Variants in ADGRG6 observed in about 807,000 individuals in gnomAD.
The protein encoded by ADGRG6 is adhesion G protein-coupled receptor G6.
In ADGRG6, 84 loss-of-function variants were observed where a neutral mutation model predicts 142.4. The observed-to-expected ratio is 0.59, with a 90% confidence interval of 0.49 to 0.71. ADGRG6 has a LOEUF of 0.71. Ranked by LOEUF, ADGRG6 falls within the 30% of genes least tolerant of loss-of-function variation. The pLI is 0.00. For synonymous variants in ADGRG6, 521 were observed against 520.5 expected (o/e 1.00, Z -0.01); for missense variants, 1,367 against 1,466.6 (o/e 0.93, Z 1.11).
intron 9 of ADGRG6, among the ~76,000 whole-genome samples, chr6:142,394,847 C>T (rs186393156): frequency 7.2e-5 from 11 of 152,196 alleles, no homozygotes; most frequent in Admixed American, 7.2e-4. Context: ...TCAGCCCCCC[C>T]CAGAGTGCTG....
At chr6:142,421,538 A>G (rs1469189702) in intron 22 of ADGRG6, among the ~76,000 whole-genome samples, 1 of 152,188 alleles carries the variant, frequency 6.6e-6, no homozygotes, top group East Asian at 1.9e-4. Flanking sequence ...AAATATTGAC[A>G]AAAGTATCCA....
intron 6 of ADGRG6, among the ~76,000 whole-genome samples, chr6:142,384,701 C>T (rs994798037): frequency 2.6e-5 from 4 of 152,014 alleles, no homozygotes; most frequent in African/African-American, 9.7e-5. Context: ...AGTCATTTAG[C>T]TTATGAGGCC....
intron 11 of ADGRG6, chr6:142,400,836 T>C (rs1219023748): frequency 2.5e-6 from 1 of 402,804 alleles, no homozygotes; most frequent in Non-Finnish European, 4.5e-6. Flanking sequence ...AACTGAAGAG[T>C]TTAGAAGCCA....
intron 10 of ADGRG6, among the ~76,000 whole-genome samples, chr6:142,399,905 A>G (rs1775413603): frequency 6.6e-6 from 1 of 152,156 alleles, no homozygotes; most frequent in East Asian, 1.9e-4. Context: ...GCTTACTTAG[A>G]GAGTCGTCAA....
chr6:142,368,879 A>G (rs1040578946), intron 3 of ADGRG6, among the ~76,000 whole-genome samples: 4 of 152,306 alleles, frequency 2.6e-5, no homozygotes, highest in East Asian at 3.9e-4. Flanking sequence ...CCACCCAGCC[A>G]TAACCACTAA....
intron 2 of ADGRG6, among the ~76,000 whole-genome samples, chr6:142,365,814 G>A (rs193083913): frequency 3.3e-5 from 5 of 152,208 alleles, no homozygotes; most frequent in Admixed American, 2.6e-4. Flanking sequence ...ATAAAACATC[G>A]AATTAGTCCT....
intron 2 of ADGRG6, among the ~76,000 whole-genome samples, chr6:142,359,392 A>C (rs896075691): frequency 6.6e-6 from 1 of 151,946 alleles, no homozygotes; most frequent in African/African-American, 2.4e-5. Flanking sequence ...TCCCCACTTT[A>C]CACACGATGC....
In ADGRG6 at chr6:142,302,134, C is replaced by A. The variant is rs1359115251; in HGVS notation, c.-196C>A. 1 of 595,138 alleles carries A rather than the reference C, an allele frequency of 1.7e-6. No homozygotes were observed. Among genetic ancestry groups the A allele is most frequent in the African/African-American group, 1.9e-5 (1 of 52,842 alleles). 36.9% of individuals were successfully genotyped at this position (595,138 alleles called of 1,614,324 possible). A position where few individuals can be genotyped will look rare whatever the true frequency, so the allele number is the denominator to read the frequency against. ...CCTCGTCCGCAGGCCCTGCGCTGAACGCTGCCGCGCCCAGGGTTCACCTTG... is the reference window on the plus strand; with the variant it reads ...CCTCGTCCGCAGGCCCTGCGCTGAAAGCTGCCGCGCCCAGGGTTCACCTTG... On this transcript the variant is annotated 5_prime_UTR_variant, in exon 1 of 25. Transcript: ENST00000367609.
chr6:142,367,960 C>A, intron 3 of ADGRG6, 50 bp downstream of exon 3: 1 of 991,532 alleles, frequency 1.0e-6, no homozygotes, highest in Non-Finnish European at 1.5e-6. Flanking sequence ...TTAACATGTT[C>A]TGCAGTAAAC....
At chr6:142,333,310 A>G (rs1258517292) in intron 2 of ADGRG6, among the ~76,000 whole-genome samples, 2 of 152,138 alleles carry the variant, frequency 1.3e-5, no homozygotes, top group African/African-American at 4.8e-5. Flanking sequence ...ACTCATCACC[A>G]AGCATATTTG....
rs1262189554 is a variant in ADGRG6, at chr6:142,400,587, C to T, written c.1670C>T (p.Ser557Phe). The T allele has an allele frequency of 6.5e-7, 1 of 1,544,922 alleles. No individual in the cohort carries two copies. The highest frequency in any genetic ancestry group is 1.1e-5 in the South Asian group (1 of 89,172). ...CCAGACAAGCCTGGCTTTTCTGCTT[C>T]TCGGATATGGTAATATTTTCACTGA... ...PCPDKPGFSA[S>F]RICFYNATNP... Residue 557 changes from serine to phenylalanine, a missense_variant, in exon 11 of 25, where the codon TCT (serine) becomes TTT (phenylalanine). By Grantham distance (155) the Ser-to-Phe change is radical. Around this residue, in one of 3 missense-constraint regions of ADGRG6, gnomAD observed 737 missense variants for 746.5 expected, o/e 0.99. Coordinates refer to ENST00000367609, the MANE Select transcript of ADGRG6 (RefSeq NM_198569.3).
At chr6:142,368,119 G>T (rs890941958) in intron 3 of ADGRG6, among the ~76,000 whole-genome samples, 3 of 152,170 alleles carry the variant, frequency 2.0e-5, no homozygotes, top group African/African-American at 7.2e-5. Flanking sequence ...CAGTAGAGTT[G>T]AATTCTTTTA....
intron 22 of ADGRG6, among the ~76,000 whole-genome samples, chr6:142,423,192 G>T (rs1367734371): frequency 1.4e-5 from 2 of 140,510 alleles, no homozygotes; most frequent in African/African-American, 5.5e-5. Flanking sequence ...TGTCAATTTT[G>T]GCTTTTGTTG....
At chr6:142,418,092 T>C (rs963008360) in intron 21 of ADGRG6, among the ~76,000 whole-genome samples, 10 of 151,908 alleles carry the variant, frequency 6.6e-5, no homozygotes, top group African/African-American at 2.4e-4. Context: ...GTCAGAAGTT[T>C]GAGATCAGCC....
chr6:142,407,950 A>G (rs1469427562), intron 15 of ADGRG6, among the ~76,000 whole-genome samples, 200 bp from the exon 16 acceptor site: 3 of 152,174 alleles, frequency 2.0e-5, no homozygotes, highest in Non-Finnish European at 4.4e-5. Flanking sequence ...GGCTCCCAAC[A>G]TTCCCTCAAT....
chr6:142,304,989 A>T (rs1777412700), intron 1 of ADGRG6, among the ~76,000 whole-genome samples: 1 of 152,210 alleles, frequency 6.6e-6, no homozygotes, highest in South Asian at 2.1e-4. Context: ...AAGCTTCAAG[A>T]TCCATTTATT....
At chr6:142,335,442 C>T (rs575512410) in intron 2 of ADGRG6, among the ~76,000 whole-genome samples, 2 of 152,154 alleles carry the variant, frequency 1.3e-5, no homozygotes, top group East Asian at 3.9e-4. Flanking sequence ...CACAAGAAAG[C>T]CTTTTACAGT....
Position 142,370,347 on chromosome 6 carries a change from C to G in ADGRG6, c.623C>G (p.Ser208Cys). The change falls in exon 4 of 25, where the codon TCC (serine) becomes TGC (cysteine). Residue 208 changes from serine (S) to cysteine (C), a missense_variant. Coordinates refer to ENST00000367609, the MANE Select transcript of ADGRG6 (RefSeq NM_198569.3). Reference sequence around the variant, plus strand: ...ACAGCTTTCTCCTACTCAAATGCATCCTTCACACAATTGCTCAGTTTTGGA... The same window carrying G: ...ACAGCTTTCTCCTACTCAAATGCATGCTTCACACAATTGCTCAGTTTTGGA... Reference protein sequence around the residue: ...DWTAFSYSNASFTQLLSFGKA... With the variant: ...DWTAFSYSNACFTQLLSFGKA... 6.2e-7 allele frequency: 1 copy of G among 1,613,422 alleles called. No homozygotes were observed. Among genetic ancestry groups the G allele is most frequent in the South Asian group, 1.1e-5 (1 of 91,066 alleles).
Position 142,370,408 on chromosome 6 carries a change from T to C in ADGRG6, c.684T>C (p.Asp228=), listed in dbSNP as rs766054495. 1.9e-6 allele frequency: 3 copies of C among 1,613,594 alleles called. No homozygotes were observed. Among genetic ancestry groups the C allele is most frequent in the African/African-American group, 2.7e-5 (2 of 74,938 alleles). ...GTGGCTACTTTCTATCCATTTCTGA[T>C]TCAAAATGTTTGTTGAATAATGCAT... ...AKSGYFLSIS[D]SKCLLNNALP... is the part of the protein sequence containing the mutation. The change falls in exon 4 of 25, where the codon GAT becomes GAC. Residue 228 remains aspartate, a synonymous_variant. Coordinates refer to ENST00000367609, the MANE Select transcript of ADGRG6 (RefSeq NM_198569.3).
Sources: allele counts gnomAD v4.1 joint callset (sites outside exome capture counted in the v4.1 genomes callset), GRCh38; gene constraint gnomAD v4.1.1; regional missense constraint gnomAD v4.1.1; transcripts MANE v1.5; gene names NCBI Gene and HGNC (gene_info 2026-07-23, HGNC 2026-07-21).